Variants in OR10C1 observed in about 807,000 individuals in gnomAD.
OR10C1 encodes olfactory receptor 10C1.
For missense variants in OR10C1, 388 were observed against 392.1 expected, an observed-to-expected ratio of 0.99 and a Z score of 0.09; for synonymous variants, 183 against 174.4, an observed-to-expected ratio of 1.05 and a Z score of -0.39.
Position 29,440,341 on chromosome 6 carries a change from C to T in OR10C1, c.326C>T (p.Thr109Met). 6.2e-7 allele frequency: 1 copy of T among 1,614,088 alleles called. No individual in the cohort carries two copies. The highest frequency in any genetic ancestry group is 8.5e-7 in the Non-Finnish European group (1 of 1,180,024). Reference protein sequence around the residue: ...QMFFFLFFGATECCLLAAMAY... With the variant: ...QMFFFLFFGAMECCLLAAMAY... ...TTCTTCTTCCTCTTCTTTGGCGCCA[C>T]GGAGTGCTGCCTCCTGGCAGCCATG... The change falls in exon 1 of 1, where the codon ACG (threonine) becomes ATG (methionine). Residue 109 changes from threonine (T) to methionine (M), a missense_variant. Thr to Met is a moderately conservative substitution (Grantham distance 81). Transcript: ENST00000444197.
rs1190468366 is a variant in OR10C1 at position 29,439,592 on chromosome 6, A to G, written c.-424A>G. 1 of 173,452 alleles carries G rather than the reference A, an allele frequency of 5.8e-6. No individual in the cohort carries two copies. The highest frequency in any genetic ancestry group is 1.6e-4 in the East Asian group (1 of 6,238). The allele number at this position is 173,452 out of a possible 1,614,324, so 10.7% of individuals were successfully genotyped here. ...GAGGTCACCTCTTATCAGACAGGAG[A>G]CAAGTTGATGGAGAAAAAGATCTGC... On this transcript the variant is annotated 5_prime_UTR_variant, in exon 1 of 1. Coordinates refer to ENST00000444197, the MANE Select transcript of OR10C1 (RefSeq NM_013941.4).
At position 29,440,036 on chromosome 6, in the gene OR10C1, G is replaced by C; in HGVS notation, c.21G>C (p.Met7Ile). Reference protein sequence around the residue: MSANTSMVTEFLLLGFS... With the variant: MSANTSIVTEFLLLGFS... ...GCAGGATGAGTGCAAACACCTCCAT[G>C]GTGACTGAGTTTCTTCTTCTCGGCT... Residue 7 changes from methionine (M) to isoleucine (I), a missense_variant, in exon 1 of 1, where the codon ATG becomes ATC. By Grantham distance (10) the Met-to-Ile change is conservative. Transcript: ENST00000444197. 6.2e-7 allele frequency: 1 copy of C among 1,613,028 alleles called. No individual in the cohort carries two copies. Among genetic ancestry groups the C allele is most frequent in the Non-Finnish European group, 8.5e-7 (1 of 1,179,956 alleles).
chr6:29,440,778 C>T lies in OR10C1; in HGVS notation c.763C>T (p.Leu255Phe). 6.2e-7 allele frequency: 1 copy of T among 1,613,934 alleles called. No homozygotes were observed. Among genetic ancestry groups the T allele is most frequent in the South Asian group, 1.1e-5 (1 of 91,080 alleles). The part of the protein sequence containing the change: ...IMVSLFYGTA[L>F]FIYIRPKASY... ...GGTCTCCCTCTTCTATGGCACCGCA[C>T]TCTTTATCTATATTCGCCCTAAGGC... The change falls in exon 1 of 1, where the codon CTC becomes TTC. Residue 255 changes from leucine (L) to phenylalanine (F), a missense_variant. Leu to Phe is a conservative substitution (Grantham distance 22, BLOSUM62 0). Coordinates refer to ENST00000444197, the MANE Select transcript of OR10C1 (RefSeq NM_013941.4).
Position 29,439,375 on chromosome 6 carries a change from C to T in OR10C1, c.-641C>T, listed in dbSNP as rs1214252653. ...CATGTTTTAAAACTAGAGAAATGCT[C>T]ACCCCTCTAAATAGTTGAACTGTTT... On this transcript the variant is annotated 5_prime_UTR_variant, in exon 1 of 1. Transcript: ENST00000444197. The T allele has an allele frequency of 6.6e-6, 1 of 152,152 alleles. No homozygotes were observed. The highest frequency in any genetic ancestry group is 2.4e-5 in the African/African-American group (1 of 41,430). 9.4% of individuals were successfully genotyped at this position (152,152 alleles called of 1,614,324 possible).
rs749376092 is a variant in OR10C1, at chr6:29,440,003, G to A, written c.-13G>A. ...CATTTCTTTTGTCTTCCAGTCAAAG[G>A]TATGCAGGCAGGATGAGTGCAAACA... is the stretch of plus-strand genomic sequence containing the variant. On this transcript the variant is annotated 5_prime_UTR_variant, in exon 1 of 1. Coordinates refer to ENST00000444197, the MANE Select transcript of OR10C1 (RefSeq NM_013941.4). The A allele has an allele frequency of 3.1e-6, 5 of 1,604,662 alleles. No homozygotes were observed. The highest frequency in any genetic ancestry group is 1.3e-5 in the African/African-American group (1 of 74,642).
chr6:29,440,007 G>A lies in OR10C1; in HGVS notation c.-9G>A. The A allele has an allele frequency of 6.2e-7, 1 of 1,607,238 alleles. No homozygotes were observed. The highest frequency in any genetic ancestry group is 2.2e-5 in the East Asian group (1 of 44,794). On this transcript the variant is annotated 5_prime_UTR_variant, in exon 1 of 1. The change abolishes an upstream ATG in the 5' untranslated region. Coordinates refer to ENST00000444197, the MANE Select transcript of OR10C1 (RefSeq NM_013941.4). The stretch of plus-strand genomic sequence containing the variant: ...TCTTTTGTCTTCCAGTCAAAGGTAT[G>A]CAGGCAGGATGAGTGCAAACACCTC...
rs143307828 is a variant in OR10C1, at chr6:29,440,620, C to T, written c.605C>T (p.Thr202Ile). The T allele has an allele frequency of 2.1e-3, 3,421 of 1,614,022 alleles. 8 individuals are homozygous for T. The highest frequency in any genetic ancestry group is 2.6e-3 in the Non-Finnish European group (3,109 of 1,179,956). The change falls in exon 1 of 1, where the codon ACA (threonine) becomes ATA (isoleucine). Residue 202 changes from threonine (T) to isoleucine (I), a missense_variant. By Grantham distance (89) the Thr-to-Ile change is moderately conservative. Transcript: ENST00000444197. ...AATGAACTGCAGATTATCCTGGCAA[C>T]AGCCCTCCTCATCCTCTGCCCCTTT... is the stretch of plus-strand genomic sequence containing the variant. ...SLNELQIILATALLILCPFGL... is the reference protein window; with the variant it reads ...SLNELQIILAIALLILCPFGL...
Position 29,439,957 on chromosome 6 carries a change from A to G in OR10C1, c.-59A>G. 2 of 1,357,128 alleles carry G rather than the reference A, an allele frequency of 1.5e-6. No individual in the cohort carries two copies. The highest frequency in any genetic ancestry group is 2.1e-6 in the Non-Finnish European group (2 of 964,388). The allele number at this position is 1,357,128 out of a possible 1,614,324, so 84.1% of individuals were successfully genotyped here. A position where few individuals can be genotyped will look rare whatever the true frequency, so the allele number is the denominator to read the frequency against. ...TCATCTTTGCCCATTTCACGATTCC[A>G]TAGTTGTGATTTTTCCTTGCCATTT... is the stretch of plus-strand genomic sequence containing the variant. On this transcript the variant is annotated 5_prime_UTR_variant, in exon 1 of 1. Transcript: ENST00000444197.
chr6:29,440,798 T>C lies in OR10C1; in HGVS notation c.783T>C (p.Pro261=). 1.2e-6 allele frequency: 2 copies of C among 1,614,106 alleles called. No homozygotes were observed. The highest frequency in any genetic ancestry group is 1.7e-6 in the Non-Finnish European group (2 of 1,179,998). ...CCGCACTCTTTATCTATATTCGCCCTAAGGCCAGCTACGATCCGGCCACTG... is the reference window on the plus strand; with the variant it reads ...CCGCACTCTTTATCTATATTCGCCCCAAGGCCAGCTACGATCCGGCCACTG... ...YGTALFIYIR[P]KASYDPATDP... is the part of the protein sequence containing the mutation. The change falls in exon 1 of 1, where the codon CCT becomes CCC. Residue 261 remains proline (P), a synonymous_variant. Transcript: ENST00000444197.
At position 29,440,584 on chromosome 6, in the gene OR10C1, A is replaced by T. The variant is rs1427846245; in HGVS notation, c.569A>T (p.Asp190Val). 3.7e-6 allele frequency: 6 copies of T among 1,613,698 alleles called. No homozygotes were observed. In the East Asian group the frequency reaches 8.9e-5, roughly 24 times the overall value. The change falls in exon 1 of 1, where the codon GAC (aspartate) becomes GTC (valine). Residue 190 changes from aspartate to valine, a missense_variant. Transcript: ENST00000444197. ...IQPVLQLVCGDTSLNELQIIL... is the reference protein window; with the variant it reads ...IQPVLQLVCGVTSLNELQIIL... ...CCTGTCCTGCAGCTGGTATGTGGAGACACCTCGCTTAATGAACTGCAGATT... is the reference window on the plus strand; with the variant it reads ...CCTGTCCTGCAGCTGGTATGTGGAGTCACCTCGCTTAATGAACTGCAGATT...
In OR10C1 at chr6:29,439,558, G is replaced by T. The variant is rs1783925137; in HGVS notation, c.-458G>T. The T allele has an allele frequency of 6.3e-6, 1 of 159,556 alleles. No individual in the cohort carries two copies. Among genetic ancestry groups the T allele is most frequent in the Admixed American group, 6.4e-5 (1 of 15,644 alleles). 9.9% of individuals were successfully genotyped at this position (159,556 alleles called of 1,614,324 possible). On this transcript the variant is annotated 5_prime_UTR_variant, in exon 1 of 1. Transcript: ENST00000444197. ...AAAAAAGAAAACTAGAGGGCAAGAG[G>T]TGATAAGAGAGGTCACCTCTTATCA...
At position 29,439,422 on chromosome 6, in the gene OR10C1, G is replaced by A. The variant is rs928451530; in HGVS notation, c.-594G>A. ...GTTTAATGCTATAGGAGCTTAAAAA[G>A]AGAGGATCTTTCTCATTTTTTTTCT... On this transcript the variant is annotated 5_prime_UTR_variant, in exon 1 of 1. Coordinates refer to ENST00000444197, the MANE Select transcript of OR10C1 (RefSeq NM_013941.4). The A allele has an allele frequency of 2.0e-5, 3 of 152,276 alleles. No homozygotes were observed. The highest frequency in any genetic ancestry group is 1.5e-5 in the Non-Finnish European group (1 of 68,120). 9.4% of individuals were successfully genotyped at this position (152,276 alleles called of 1,614,324 possible). A position where few individuals can be genotyped will look rare whatever the true frequency, so the allele number is the denominator to read the frequency against.
Position 29,439,601 on chromosome 6 carries a change from T to C in OR10C1, c.-415T>C, listed in dbSNP as rs9468532. 0.024 allele frequency: 4,314 copies of C among 176,914 alleles called. 74 individuals are homozygous for C. Among genetic ancestry groups the C allele is most frequent in the Middle Eastern group, 0.039 (16 of 406 alleles). The allele number at this position is 176,914 out of a possible 1,614,324, so 11.0% of individuals were successfully genotyped here. On this transcript the variant is annotated 5_prime_UTR_variant, in exon 1 of 1. It removes an upstream start codon present in the reference 5' UTR. Coordinates refer to ENST00000444197, the MANE Select transcript of OR10C1 (RefSeq NM_013941.4). ...TCTTATCAGACAGGAGACAAGTTGA[T>C]GGAGAAAAAGATCTGCTATGAGGGA... is the stretch of plus-strand genomic sequence containing the variant.
chr6:29,440,486 C>T lies in OR10C1; in HGVS notation c.471C>T (p.Gly157=), dbSNP rs1252962304. The change falls in exon 1 of 1, where the codon GGC becomes GGT. Residue 157 remains glycine (G), a synonymous_variant. Coordinates refer to ENST00000444197, the MANE Select transcript of OR10C1 (RefSeq NM_013941.4). ...AWACGVLVGL[G]HTPFIFSLPF... is the part of the protein sequence containing the mutation. The stretch of plus-strand genomic sequence containing the variant: ...CCTGTGGGGTGCTGGTGGGGCTGGG[C>T]CACACCCCTTTCATCTTCTCTTTGC... 1 of 1,613,766 alleles carries T rather than the reference C, an allele frequency of 6.2e-7. No individual in the cohort carries two copies. The highest frequency in any genetic ancestry group is 2.2e-5 in the East Asian group (1 of 44,878).
rs1364050973 is a variant in OR10C1 at position 29,440,524 on chromosome 6, C to G, written c.509C>G (p.Pro170Arg). Residue 170 changes from proline to arginine, a missense_variant, in exon 1 of 1, where the codon CCC becomes CGC. Transcript: ENST00000444197. Reference protein sequence around the residue: ...PFIFSLPFCGPNTIPQFFCEI... With the variant: ...PFIFSLPFCGRNTIPQFFCEI... Reference sequence around the variant, plus strand: ...ATCTTCTCTTTGCCCTTCTGCGGCCCCAATACCATCCCGCAGTTCTTCTGT... The same window carrying G: ...ATCTTCTCTTTGCCCTTCTGCGGCCGCAATACCATCCCGCAGTTCTTCTGT... 1 of 1,613,772 alleles carries G rather than the reference C, an allele frequency of 6.2e-7. No homozygotes were observed. Among genetic ancestry groups the G allele is most frequent in the South Asian group, 1.1e-5 (1 of 91,086 alleles).
Position 29,440,443 on chromosome 6 carries a change from T to A in OR10C1, c.428T>A (p.Leu143Gln). 1 of 1,614,092 alleles carries A rather than the reference T, an allele frequency of 6.2e-7. No individual in the cohort carries two copies. The highest frequency in any genetic ancestry group is 8.5e-7 in the Non-Finnish European group (1 of 1,180,022). ...CTGAGCCACCGGGTGTGTCTACAGCTAGCTGGGTCGGCGTGGGCCTGTGGG... is the reference window on the plus strand; with the variant it reads ...CTGAGCCACCGGGTGTGTCTACAGCAAGCTGGGTCGGCGTGGGCCTGTGGG... ...LLLSHRVCLQ[L>Q]AGSAWACGVL... The change falls in exon 1 of 1, where the codon CTA becomes CAA. Residue 143 changes from leucine (L) to glutamine (Q), a missense_variant. Transcript: ENST00000444197.
chr6:29,440,087 C>T lies in OR10C1; in HGVS notation c.72C>T (p.Gly24=), dbSNP rs1582568671. The T allele has an allele frequency of 6.2e-7, 1 of 1,613,250 alleles. No homozygotes were observed. The stretch of plus-strand genomic sequence containing the variant: ...TCTCCCACCTGGCCGACCTCCAGGG[C>T]TTGCTCTTCTCTGTCTTTCTCACTA... ...LGFSHLADLQ[G]LLFSVFLTIY... Residue 24 remains glycine (G), a synonymous_variant, in exon 1 of 1, where the codon GGC becomes GGT. Coordinates refer to ENST00000444197, the MANE Select transcript of OR10C1 (RefSeq NM_013941.4).
Position 29,440,118 on chromosome 6 carries a change from C to T in OR10C1, c.103C>T (p.Leu35=). ...LLFSVFLTIY[L]LTVAGNFLIV... is the part of the protein sequence containing the mutation. ...CTTCTCTGTCTTTCTCACTATCTACCTGCTGACCGTGGCAGGCAATTTCCT... is the reference window on the plus strand; with the variant it reads ...CTTCTCTGTCTTTCTCACTATCTACTTGCTGACCGTGGCAGGCAATTTCCT... The change falls in exon 1 of 1, where the codon CTG becomes TTG. Residue 35 remains leucine, a synonymous_variant. Coordinates refer to ENST00000444197, the MANE Select transcript of OR10C1 (RefSeq NM_013941.4). 6.2e-7 allele frequency: 1 copy of T among 1,613,442 alleles called. No individual in the cohort carries two copies. Among genetic ancestry groups the T allele is most frequent in the East Asian group, 2.2e-5 (1 of 44,864 alleles).
In OR10C1 at chr6:29,440,300, A is replaced by G. The variant is rs1441500019; in HGVS notation, c.285A>G (p.Gly95=). Residue 95 remains glycine (G), a synonymous_variant, in exon 1 of 1, where the codon GGA becomes GGG. Transcript: ENST00000444197. The stretch of plus-strand genomic sequence containing the variant: ...GCCGGCGCCACATCTCTCGCTCTGG[A>G]TGTGCTCTCCAGATGTTCTTCTTCC... ...LTGRRHISRS[G]CALQMFFFLF... is the part of the protein sequence containing the mutation. 1 of 1,613,758 alleles carries G rather than the reference A, an allele frequency of 6.2e-7. No homozygotes were observed. Among genetic ancestry groups the G allele is most frequent in the Admixed American group, 1.7e-5 (1 of 59,986 alleles).
Sources: gnomAD v4.1 joint callset for allele counts on GRCh38, gnomAD v4.1.1 for gene constraint, MANE v1.5 for transcripts, NCBI Gene and HGNC (gene_info 2026-07-23, HGNC 2026-07-21) for gene names.